The following SYCP1 variants were observed in gnomAD, a reference collection of about 807,000 sequenced individuals.
SYCP1 encodes synaptonemal complex protein 1.
In SYCP1, 64 loss-of-function variants were observed where a neutral mutation model predicts 153.1. That is an observed-to-expected ratio of 0.42 (90% CI 0.34 to 0.51). The LOEUF is 0.51. SYCP1 is among the 20% of genes least tolerant of loss of function. The pLI is 0.06. For synonymous variants in SYCP1, 384 were observed against 341.8 expected (o/e 1.12, Z -1.36); for missense variants, 997 against 1,049.0 (o/e 0.95, Z 0.68).
At chr1:114,976,871 C>A (rs762955089) in intron 27 of SYCP1, among the ~76,000 whole-genome samples, 1 of 151,688 alleles carries the variant, frequency 6.6e-6, no homozygotes, top group African/African-American at 2.4e-5. Flanking sequence ...ACATCATGGG[C>A]GAGTTTTACT....
At chr1:114,921,313 A>G (rs193265850) in intron 20 of SYCP1, among the ~76,000 whole-genome samples, 1 of 152,156 alleles carries the variant, frequency 6.6e-6, no homozygotes, top group Non-Finnish European at 1.5e-5. Flanking sequence ...GTTTTTATTT[A>G]TATTTTATTA....
intron 9 of SYCP1, among the ~76,000 whole-genome samples, chr1:114,875,261 CTTT>C (rs561059800): frequency 1.8e-5 from 2 of 112,022 alleles, no homozygotes; most frequent in Non-Finnish European, 3.7e-5. Context: ...ACTTTGTCTT[CTTT>C]TTTTTTTTTT....
chr1:114,955,011 A>T (rs1386319671), intron 27 of SYCP1, among the ~76,000 whole-genome samples: 2 of 152,214 alleles, frequency 1.3e-5, no homozygotes, highest in African/African-American at 4.8e-5. Context: ...CAATTTTTTA[A>T]CCAATAAGTA....
At chr1:114,977,657 AT>A in intron 28 of SYCP1, 41 bp downstream of exon 28, 1 of 1,237,716 alleles carries the variant, frequency 8.1e-7, no homozygotes, top group Middle Eastern at 2.0e-4. Flanking sequence ...ATACCAATTC[AT>A]TTTCTAACTT....
rs772964017 is a variant in SYCP1 at position 114,887,662 on chromosome 1, C to T, written c.1227C>T (p.Thr409=). Residue 409 remains threonine (T), a synonymous_variant, in exon 15 of 32, where the codon ACC becomes ACT. Coordinates refer to ENST00000369522, the MANE Select transcript of SYCP1 (RefSeq NM_003176.4). ...EKNEDQLKIL[T]MELQKKSSEL... is the part of the protein sequence containing the mutation. ...ATGAAGATCAATTGAAAATACTTAC[C>T]ATGGAGCTTCAAAAGAAATCAAGTG... is the stretch of plus-strand genomic sequence containing the variant. 42 of 1,566,520 alleles carry T rather than the reference C, an allele frequency of 2.7e-5. No individual in the cohort carries two copies. In the South Asian group the frequency reaches 4.4e-4, roughly 16 times the overall value.
chr1:114,871,295 G>A (rs903808350), intron 8 of SYCP1, among the ~76,000 whole-genome samples: 3 of 151,794 alleles, frequency 2.0e-5, no homozygotes, highest in African/African-American at 7.3e-5. Context: ...AGCCTCCTGA[G>A]TAGCTGAGAT....
At chr1:114,954,583 T>TTTATTTA (rs1557830554) in intron 27 of SYCP1, among the ~76,000 whole-genome samples, 6 of 119,736 alleles carry the variant, frequency 5.0e-5, no homozygotes, top group African/African-American at 2.3e-4. Context: ...TTATTTATTT[T>TTTATTTA]TTATTTATTT....
intron 23 of SYCP1, among the ~76,000 whole-genome samples, chr1:114,942,171 G>T (rs1557819698): frequency 6.6e-6 from 1 of 152,018 alleles, no homozygotes; most frequent in Non-Finnish European, 1.5e-5. Context: ...AAAGATGAAA[G>T]TGAAGAAATG....
At chr1:114,933,010 A>C (rs1669745192) in intron 23 of SYCP1, among the ~76,000 whole-genome samples, 1 of 152,208 alleles carries the variant, frequency 6.6e-6, no homozygotes, top group African/African-American at 2.4e-5. Flanking sequence ...ACTTCGGCAG[A>C]CTTAATCCTC....
intron 8 of SYCP1, among the ~76,000 whole-genome samples, chr1:114,864,708 AAACTC>A (rs1312588714): frequency 6.6e-6 from 1 of 152,076 alleles, no homozygotes; most frequent in South Asian, 2.1e-4. Flanking sequence ...GGATAGTCTC[AAACTC>A]CTGGGCTCAA....
chr1:114,893,269 C>G (rs780699864), intron 15 of SYCP1, among the ~76,000 whole-genome samples: 1 of 152,080 alleles, frequency 6.6e-6, no homozygotes, highest in Admixed American at 6.5e-5. Context: ...CTATCTCTGT[C>G]TGTATCTCTA....
intron 19 of SYCP1, among the ~76,000 whole-genome samples, chr1:114,913,741 G>A (rs901989463): frequency 1.3e-5 from 2 of 151,972 alleles, no homozygotes; most frequent in East Asian, 1.9e-4. Flanking sequence ...TCAAAGTAAC[G>A]CTGGAAAACC....
At chr1:114,870,765 G>A (rs73000525) in intron 8 of SYCP1, among the ~76,000 whole-genome samples, 1 of 152,272 alleles carries the variant, frequency 6.6e-6, no homozygotes, top group African/African-American at 2.4e-5. Context: ...TACATTTAAA[G>A]TGAGTTTCTT....
chr1:114,975,971 A>G (rs1051928988), intron 27 of SYCP1, among the ~76,000 whole-genome samples: 1 of 151,804 alleles, frequency 6.6e-6, no homozygotes, highest in South Asian at 2.1e-4. Flanking sequence ...AGATAGGTTT[A>G]TGGTTCCATG....
intron 8 of SYCP1, among the ~76,000 whole-genome samples, chr1:114,861,793 T>C (rs940802618): frequency 4.0e-5 from 6 of 151,456 alleles, no homozygotes; most frequent in Non-Finnish European, 8.8e-5. Context: ...GTTAGGTTTT[T>C]TTATTCTTTT....
At position 114,984,742 on chromosome 1, in the gene SYCP1, A is replaced by G. The variant is rs138507645; in HGVS notation, c.2577A>G (p.Thr859=). The G allele has an allele frequency of 2.2e-4, 321 of 1,479,878 alleles. 2 individuals are homozygous for G. In the African/African-American group the frequency reaches 4.3e-3, roughly 20 times the overall value. The allele number at this position is 1,479,878 out of a possible 1,614,324, so 91.7% of individuals were successfully genotyped here. A position where few individuals can be genotyped will look rare whatever the true frequency, so the allele number is the denominator to read the frequency against. ...TTGGATAGGCATATACAGTGAAGAC[A>G]CCAACAAAACCAAAACTACAGCAAA... is the stretch of plus-strand genomic sequence containing the variant. ...TPLPKAYTVK[T]PTKPKLQQRE... is the part of the protein sequence containing the mutation. The change falls in exon 30 of 32, where the codon ACA becomes ACG. Residue 859 remains threonine (T), a synonymous_variant. Coordinates refer to ENST00000369522, the MANE Select transcript of SYCP1 (RefSeq NM_003176.4).
intron 15 of SYCP1, among the ~76,000 whole-genome samples, chr1:114,892,653 A>G (rs951881046): frequency 1.3e-5 from 2 of 152,104 alleles, no homozygotes; most frequent in Admixed American, 1.3e-4. Context: ...CAGCAGCAGC[A>G]GCCAGTAGTA....
At chr1:114,973,894 T>C (rs1672647141) in intron 27 of SYCP1, among the ~76,000 whole-genome samples, 1 of 151,944 alleles carries the variant, frequency 6.6e-6, no homozygotes, top group Non-Finnish European at 1.5e-5. Context: ...CTATTATCTT[T>C]CTCTTCCTTT....
chr1:114,989,685 A>G (rs1379208276), intron 30 of SYCP1, among the ~76,000 whole-genome samples: 1 of 152,004 alleles, frequency 6.6e-6, no homozygotes, highest in Non-Finnish European at 1.5e-5. Context: ...CTGTGCATAT[A>G]GTAACCAAAA....
Sources: allele counts gnomAD v4.1 joint callset (sites outside exome capture counted in the v4.1 genomes callset), GRCh38; gene constraint gnomAD v4.1.1; transcripts MANE v1.5; gene names NCBI Gene and HGNC (gene_info 2026-07-23, HGNC 2026-07-21).